COL18A1: variants seen among roughly 807,000 people sequenced by gnomAD.
COL18A1 encodes collagen alpha-1(XVIII) chain.
A neutral mutation model predicts 168.0 loss-of-function variants in COL18A1; 133 were observed. That is an observed-to-expected ratio of 0.79 (90% CI 0.69 to 0.91). The LOEUF is 0.91. Ranked by LOEUF, COL18A1 falls within the 40% of genes least tolerant of loss-of-function variation. The pLI is 0.00. For missense variants in COL18A1, 2,126 were observed against 1,925.4 expected (o/e 1.10, Z -1.95); for synonymous variants, 949 against 809.0 (o/e 1.17, Z -2.94).
At chr21:45,432,193 G>C (rs1177441848) in intron 2 of COL18A1, among the ~76,000 whole-genome samples, 1 of 152,226 alleles carries the variant, frequency 6.6e-6, no homozygotes, top group African/African-American at 2.4e-5. Context: ...GGCCTCCCTG[G>C]ATTTGGGGGA....
rs2037146155 is a variant in COL18A1, at chr21:45,505,520, A to G, written c.3087+89A>G. The stretch of plus-strand genomic sequence containing the variant: ...GCCCCTCAGAGACACTCTCCCACGG[A>G]CCCCACAGGGAGATATACAGGAGGC... On this transcript the variant is annotated intron_variant, in intron 36 of 41. Transcript: ENST00000651438. 3 of 762,070 alleles carry G rather than the reference A, an allele frequency of 3.9e-6. No homozygotes were observed. In the Admixed American group the frequency reaches 6.1e-5, roughly 16 times the overall value. 47.2% of individuals were successfully genotyped at this position (762,070 alleles called of 1,614,324 possible).
rs1445577609 is a variant in COL18A1, at chr21:45,473,376, C to G, written c.652-519C>G. ...AGAGATCCAGGAAACTCCCCTACAT[C>G]TGCGGCGTTTCTGTCCTTGGCTTCT... On this transcript the variant is annotated intron_variant, in intron 3 of 41. Transcript: ENST00000651438. This position sits in a 1 kb window ranked among gnomAD's most constrained non-coding sequence, Gnocchi z 4.0. Among the ~76,000 whole-genome samples the G allele has an allele frequency of 1.3e-5, 2 of 152,236 alleles. No homozygotes were observed. Among genetic ancestry groups the G allele is most frequent in the Non-Finnish European group, 2.9e-5 (2 of 68,048 alleles).
chr21:45,504,674 A>C, intron 34 of COL18A1, 118 bp downstream of exon 34: 13 of 868,570 alleles, frequency 1.5e-5, no homozygotes, highest in East Asian at 2.7e-5. Context: ...CTGCAAGCTC[A>C]GCAGCCCCGA....
chr21:45,412,712 C>T (rs555762320), intron 2 of COL18A1, among the ~76,000 whole-genome samples: 21 of 152,302 alleles, frequency 1.4e-4, no homozygotes, highest in Admixed American at 6.5e-4. Flanking sequence ...GCTGAGGGGC[C>T]GTGAGGGTCC....
At chr21:45,428,109 G>C (rs534305319) in intron 2 of COL18A1, among the ~76,000 whole-genome samples, 199 of 152,328 alleles carry the variant, frequency 1.3e-3, no homozygotes, top group Non-Finnish European at 2.0e-3. Context: ...ATCCCTCTGT[G>C]GGCAGCTCGA....
At chr21:45,501,722 AGAAGGACCCCCAGGGGCTCCAC>A (rs1568935743) in intron 32 of COL18A1, among the ~76,000 whole-genome samples, 7 of 127,206 alleles carry the variant, frequency 5.5e-5, no homozygotes, top group Non-Finnish European at 9.0e-5. Context: ...CTCCCTCTGC[AGAAGGACCCCCAGGGGCTCCAC>A]AGCCGGTCAC....
At chr21:45,456,804 G>A in intron 2 of COL18A1, 1 of 1,538,716 alleles carries the variant, frequency 6.5e-7, no homozygotes, top group Non-Finnish European at 8.8e-7. Context: ...CGCCTGGGCG[G>A]GGGCCGGCTG....
intron 16 of COL18A1, among the ~76,000 whole-genome samples, chr21:45,487,201 C>T (rs1370806319): frequency 1.3e-5 from 2 of 152,210 alleles, no homozygotes; most frequent in African/African-American, 4.8e-5. Flanking sequence ...GGATCTTGGC[C>T]CAGCCATGCC....
At chr21:45,504,749 AC>A (rs1024922113) in intron 34 of COL18A1, among the ~76,000 whole-genome samples, 193 bp downstream of exon 34, 3 of 150,940 alleles carry the variant, frequency 2.0e-5, no homozygotes, top group East Asian at 2.0e-4. Flanking sequence ...GACCCCGGAC[AC>A]CCCCCGTCCC....
At chr21:45,449,861 T>A (rs1189519387) in intron 2 of COL18A1, among the ~76,000 whole-genome samples, 1 of 145,128 alleles carries the variant, frequency 6.9e-6, no homozygotes, top group Non-Finnish European at 1.5e-5. Context: ...AGCAGAGATG[T>A]CAGGGGGCAC....
chr21:45,453,167 A>ATG (rs369389501), intron 2 of COL18A1, among the ~76,000 whole-genome samples: 5 of 151,094 alleles, frequency 3.3e-5, no homozygotes, highest in African/African-American at 1.2e-4. Flanking sequence ...GTGAGCATGT[A>ATG]TGTGTGTGTG....
chr21:45,444,277 G>A (rs916697288), intron 2 of COL18A1, among the ~76,000 whole-genome samples: 5 of 152,166 alleles, frequency 3.3e-5, no homozygotes, highest in Non-Finnish European at 5.9e-5. Flanking sequence ...GCAGGAGCAC[G>A]GGTGTGCGTG....
At chr21:45,405,785 C>G (rs979628625) in intron 2 of COL18A1, among the ~76,000 whole-genome samples, 5 of 151,234 alleles carry the variant, frequency 3.3e-5, no homozygotes, top group African/African-American at 9.7e-5. Flanking sequence ...GGCGGGGCCG[C>G]GGGGTCTCGG....
intron 2 of COL18A1, among the ~76,000 whole-genome samples, chr21:45,458,351 T>C (rs1437221779): frequency 2.8e-5 from 4 of 145,256 alleles, no homozygotes; most frequent in Admixed American, 2.7e-4. Context: ...TGGAGCTCTC[T>C]GAGGCAGGGG....
rs534463472 is a variant in COL18A1, at chr21:45,490,486, G to T, written c.2031+140G>T. On this transcript the variant is annotated intron_variant, in intron 20 of 41. Coordinates refer to ENST00000651438, the MANE Select transcript of COL18A1 (RefSeq NM_001379500.1). Reference sequence around the variant, plus strand: ...CCCTCGTGGGTCCCTGGGCCTCCGTGTGCCCTCCCGGGTCTCTGGGCCTCC... The same window carrying T: ...CCCTCGTGGGTCCCTGGGCCTCCGTTTGCCCTCCCGGGTCTCTGGGCCTCC... The T allele has an allele frequency of 3.0e-4, 209 of 699,744 alleles. 1 individual carries two copies. Among genetic ancestry groups the T allele is most frequent in the Non-Finnish European group, 4.2e-4 (176 of 416,162 alleles). The allele number at this position is 699,744 out of a possible 1,614,324, so 43.3% of individuals were successfully genotyped here. A position where few individuals can be genotyped will look rare whatever the true frequency, so the allele number is the denominator to read the frequency against.
chr21:45,479,364 CA>C (rs1725957356), intron 9 of COL18A1, among the ~76,000 whole-genome samples: 1 of 110,868 alleles, frequency 9.0e-6, no homozygotes, highest in Non-Finnish European at 1.8e-5. Context: ...CACGTGTGTG[CA>C]CACACACCAC....
intron 2 of COL18A1, among the ~76,000 whole-genome samples, chr21:45,461,420 C>T (rs1380134945): frequency 6.6e-6 from 1 of 151,826 alleles, no homozygotes; most frequent in Non-Finnish European, 1.5e-5. Flanking sequence ...CCCATTGCAC[C>T]CCACTCTGTG....
intron 2 of COL18A1, chr21:45,420,373 C>T (rs1468658139): frequency 6.6e-6 from 1 of 152,278 alleles, no homozygotes; most frequent in Non-Finnish European, 1.5e-5. Flanking sequence ...ACACTGTGAT[C>T]TCAGAGCTGC....
chr21:45,416,683 G>T (rs2838911), intron 2 of COL18A1, among the ~76,000 whole-genome samples: 103,276 of 151,994 alleles, frequency 0.68, 35,505 homozygotes, highest in East Asian at 0.84. Context: ...CTAAATATTA[G>T]TCAGATTGGA....
Sources: gnomAD v4.1 joint callset for allele counts (sites outside exome capture counted in the v4.1 genomes callset) on GRCh38, gnomAD v4.1.1 for gene constraint, Gnocchi (gnomAD v3.1) non-coding constraint, MANE v1.5 for transcripts, NCBI Gene and HGNC (gene_info 2026-07-23, HGNC 2026-07-21) for gene names.